Variants in MERTK observed in about 807,000 individuals in gnomAD.
MERTK encodes MER proto-oncogene, tyrosine kinase.
In MERTK, 69 loss-of-function variants were observed where a neutral mutation model predicts 99.3. The observed-to-expected ratio is 0.70, with a 90% CI of 0.57 to 0.85. MERTK has a LOEUF of 0.85. Ranked by LOEUF, MERTK falls within the 40% of genes least tolerant of loss-of-function variation. The pLI, the probability that MERTK is intolerant of heterozygous loss-of-function variation, is 0.00. For missense variants in MERTK, 1,125 were observed against 1,249.4 expected, an observed-to-expected ratio of 0.90 and a Z score of 1.50; for synonymous variants, 426 against 467.6, an observed-to-expected ratio of 0.91 and a Z score of 1.15.
chr2:111,902,980 T>C (rs995991302), intron 1 of MERTK, among the ~76,000 whole-genome samples: 2 of 152,204 alleles, frequency 1.3e-5, no homozygotes, highest in African/African-American at 4.8e-5. Context: ...GGTTTCACCA[T>C]GTTGGCCAGG....
chr2:111,913,243 T>C (rs1325501735), intron 1 of MERTK, among the ~76,000 whole-genome samples: 1 of 152,260 alleles, frequency 6.6e-6, no homozygotes, highest in African/African-American at 2.4e-5. Flanking sequence ...ATATTTTTTC[T>C]AGGTTGAGAT....
At chr2:111,975,039 TC>T (rs1462112597) in intron 6 of MERTK, among the ~76,000 whole-genome samples, 2 of 152,196 alleles carry the variant, frequency 1.3e-5, no homozygotes, top group East Asian at 3.9e-4. Flanking sequence ...AATTATTTGC[TC>T]CGTTACCTGC....
At chr2:111,919,238 C>T (rs1034977282) in intron 1 of MERTK, among the ~76,000 whole-genome samples, 5 of 152,120 alleles carry the variant, frequency 3.3e-5, no homozygotes, top group African/African-American at 7.2e-5. Context: ...CCATTCAGTG[C>T]CCCCCATCCC....
At chr2:111,966,700 G>T (rs1685363469) in intron 5 of MERTK, among the ~76,000 whole-genome samples, 1 of 152,082 alleles carries the variant, frequency 6.6e-6, no homozygotes, top group Admixed American at 6.6e-5. Flanking sequence ...AATTACTATG[G>T]TATATGTGGT....
At chr2:112,023,641 C>T (rs1345918700) in intron 18 of MERTK, among the ~76,000 whole-genome samples, 9 of 152,144 alleles carry the variant, frequency 5.9e-5, no homozygotes. Context: ...GGCAATTAAT[C>T]TCCCCCAAGC....
chr2:111,943,389 C>CA (rs1684899280), intron 2 of MERTK, among the ~76,000 whole-genome samples: 2 of 151,986 alleles, frequency 1.3e-5, no homozygotes, highest in Non-Finnish European at 2.9e-5. Flanking sequence ...AAAAATGTTC[C>CA]CCGGCTGAGA....
intron 4 of MERTK, among the ~76,000 whole-genome samples, chr2:111,951,528 T>C (rs1685055479): frequency 9.5e-6 from 1 of 105,500 alleles, no homozygotes; most frequent in African/African-American, 3.5e-5. Flanking sequence ...TTCCCATATA[T>C]ATATATATAT....
intron 9 of MERTK, among the ~76,000 whole-genome samples, chr2:111,995,796 C>A (rs1015890227): frequency 5.3e-5 from 8 of 152,008 alleles, no homozygotes; most frequent in Non-Finnish European, 1.0e-4. Flanking sequence ...TCTAAAATAA[C>A]GACAACAACA....
intron 11 of MERTK, 122 bp from the exon 12 acceptor site, chr2:112,002,970 C>T: frequency 1.7e-6 from 1 of 596,906 alleles, no homozygotes. Flanking sequence ...TAGACTCTGG[C>T]TCAATAAATA....
intron 1 of MERTK, among the ~76,000 whole-genome samples, chr2:111,924,047 A>G (rs1035766532): frequency 1.3e-5 from 2 of 152,252 alleles, no homozygotes; most frequent in African/African-American, 4.8e-5. Flanking sequence ...TACAGCCAAC[A>G]ACGATGTGAA....
In MERTK at chr2:111,983,015, G is replaced by A. The variant is rs754283279; in HGVS notation, c.1296+22G>A. 3.1e-6 allele frequency: 5 copies of A among 1,602,754 alleles called. No individual in the cohort carries two copies. In the South Asian group the frequency reaches 3.3e-5, roughly 11 times the overall value. ...TTCCGTAAGTCTAAACCCTAGAAGA[G>A]CACGATTAGTCATCTCCTTTCAACT... On this transcript the variant is annotated intron_variant, in intron 8 of 18. Coordinates refer to ENST00000295408, the MANE Select transcript of MERTK (RefSeq NM_006343.3).
intron 1 of MERTK, among the ~76,000 whole-genome samples, chr2:111,908,903 G>A (rs1479050998): frequency 6.6e-6 from 1 of 152,096 alleles, no homozygotes; most frequent in East Asian, 1.9e-4. Flanking sequence ...TTATCAAGAA[G>A]GTGACTGGAA....
intron 2 of MERTK, among the ~76,000 whole-genome samples, chr2:111,932,598 G>A (rs6711987): frequency 0.53 from 80,995 of 152,068 alleles, 21,776 homozygotes; most frequent in South Asian, 0.56. Flanking sequence ...CAGTGATTCA[G>A]TGAAATAAAT....
chr2:111,955,579 C>A (rs1213871982), intron 4 of MERTK, among the ~76,000 whole-genome samples: 2 of 152,140 alleles, frequency 1.3e-5, no homozygotes, highest in African/African-American at 4.8e-5. Flanking sequence ...AAAGCAGAAA[C>A]TGGTAAAATC....
chr2:112,013,335 A>G (rs369207214), intron 15 of MERTK: 17 of 154,280 alleles, frequency 1.1e-4, no homozygotes, highest in Admixed American at 7.9e-4. Flanking sequence ...TTTTTCCCCC[A>G]AAAAGAAAGA....
chr2:111,944,844 T>A, intron 2 of MERTK, 116 bp from the exon 3 acceptor site: 1 of 876,092 alleles, frequency 1.1e-6, no homozygotes, highest in Middle Eastern at 2.5e-4. Flanking sequence ...CTAGCCAAGC[T>A]GACATATAAA....
chr2:111,965,511 C>G (rs963254781), intron 5 of MERTK, among the ~76,000 whole-genome samples: 7 of 152,248 alleles, frequency 4.6e-5, no homozygotes, highest in Non-Finnish European at 1.0e-4. Flanking sequence ...AAGTAAATTA[C>G]TCAGAAGTGC....
At chr2:111,975,110 C>T (rs1486488291) in intron 6 of MERTK, among the ~76,000 whole-genome samples, 179 bp from the exon 7 acceptor site, 2 of 152,090 alleles carry the variant, frequency 1.3e-5, no homozygotes, top group Non-Finnish European at 1.5e-5. Flanking sequence ...AGTTATTGTC[C>T]GAGGGCATGA....
rs77630778 is a variant in MERTK, at chr2:111,913,578, C to G, written c.61+14782C>G. On this transcript the variant is annotated intron_variant, in intron 1 of 18. Transcript: ENST00000295408. ...TCTTTTTTTGAGATGGAGTCTCACT[C>G]TGTCACCCAGGTTGGAGTACAGTGG... is the stretch of plus-strand genomic sequence containing the variant. Among the ~76,000 whole-genome samples, 384 of 152,218 alleles carry G rather than the reference C, an allele frequency of 2.5e-3. 6 individuals carry two copies. In the East Asian group the frequency reaches 0.043, roughly 17 times the overall value.
Sources: gnomAD v4.1 joint callset for allele counts (sites outside exome capture counted in the v4.1 genomes callset) on GRCh38, gnomAD v4.1.1 for gene constraint, MANE v1.5 for transcripts, NCBI Gene and HGNC (gene_info 2026-07-23, HGNC 2026-07-21) for gene names.